Variants in SYN3 observed in about 807,000 individuals in gnomAD.
SYN3 encodes the protein synapsin-3.
A neutral mutation model predicts 65.8 loss-of-function variants in SYN3; 35 were observed. The observed-to-expected ratio is 0.53, with a 90% CI of 0.41 to 0.70. The LOEUF is 0.70. Among genes scored for constraint, SYN3 ranks in the 30% least tolerant of loss-of-function variants. The probability of loss-of-function intolerance (pLI) is 0.00; values close to 1 mark genes in which losing one functional copy is unlikely to be tolerated. For missense variants in SYN3, 680 were observed against 749.0 expected, an observed-to-expected ratio of 0.91 and a Z score of 1.08; for synonymous variants, 270 against 292.9, an observed-to-expected ratio of 0.92 and a Z score of 0.80.
At chr22:32,723,853 GA>G (rs2061153370) in intron 6 of SYN3, among the ~76,000 whole-genome samples, 1 of 152,248 alleles carries the variant, frequency 6.6e-6, no homozygotes, top group Admixed American at 6.5e-5. Flanking sequence ...AGGGATAGGG[GA>G]GCTGTAGGCC....
At chr22:33,041,050 G>A (rs1214949437) in intron 1 of SYN3, among the ~76,000 whole-genome samples, 1 of 151,694 alleles carries the variant, frequency 6.6e-6, no homozygotes, top group African/African-American at 2.4e-5. Context: ...GAGTAGCTGG[G>A]ATTACAGGCA....
Position 32,951,822 on chromosome 22 carries a change from G to A in SYN3, c.370-20341C>T, listed in dbSNP as rs547594885. On this transcript the variant is annotated intron_variant, in intron 3 of 13. Transcript: ENST00000358763. Reference sequence around the variant, plus strand: ...CGGACTCAGTTTGTGGCCTACAGTCGCCCTTGTCTTTCACCTTCCCGGTCT... The same window carrying A: ...CGGACTCAGTTTGTGGCCTACAGTCACCCTTGTCTTTCACCTTCCCGGTCT... Among the ~76,000 whole-genome samples the A allele has an allele frequency of 3.2e-3, 492 of 152,280 alleles. 1 individual carries two copies. Among genetic ancestry groups the A allele is most frequent in the African/African-American group, 0.011 (450 of 41,570 alleles).
At chr22:32,891,583 G>A (rs566334096) in intron 4 of SYN3, among the ~76,000 whole-genome samples, 1 of 152,292 alleles carries the variant, frequency 6.6e-6, no homozygotes, top group Admixed American at 6.5e-5. Context: ...CTTGCCATCC[G>A]ACTTCGGTTC....
At chr22:32,973,080 G>A (rs2052070407) in intron 3 of SYN3, among the ~76,000 whole-genome samples, 1 of 152,182 alleles carries the variant, frequency 6.6e-6, no homozygotes, top group South Asian at 2.1e-4. Flanking sequence ...AGTGACAATA[G>A]TGACAGTGAC....
chr22:32,720,373 A>C (rs918573569), intron 6 of SYN3, among the ~76,000 whole-genome samples: 1 of 152,170 alleles, frequency 6.6e-6, no homozygotes, highest in Non-Finnish European at 1.5e-5. Context: ...CCCTCATTAC[A>C]TGCCATGAGG....
At chr22:32,877,962 T>C (rs1278820539) in intron 4 of SYN3, among the ~76,000 whole-genome samples, 1 of 152,232 alleles carries the variant, frequency 6.6e-6, no homozygotes, top group East Asian at 1.9e-4. Flanking sequence ...ATTTTACTTA[T>C]GTTATCTTTA....
intron 6 of SYN3, among the ~76,000 whole-genome samples, chr22:32,854,793 T>C (rs2048319108): frequency 6.6e-6 from 1 of 152,082 alleles, no homozygotes; most frequent in African/African-American, 2.4e-5. Context: ...TTGGCAAGCC[T>C]TGGGGGAGAA....
chr22:32,993,674 T>G (rs1452329648), intron 2 of SYN3, among the ~76,000 whole-genome samples: 1 of 152,092 alleles, frequency 6.6e-6, no homozygotes. Context: ...TGCAAAGAAC[T>G]GTATCCAACA....
chr22:32,602,112 TACA>T (rs1443436996), intron 6 of SYN3, among the ~76,000 whole-genome samples: 3 of 152,236 alleles, frequency 2.0e-5, no homozygotes, highest in African/African-American at 7.2e-5. Context: ...CAGGATACTT[TACA>T]ACAATATTAG....
intron 6 of SYN3, among the ~76,000 whole-genome samples, chr22:32,807,371 T>TATATATAATATATATA (rs1491462982): frequency 0.013 from 1,419 of 111,032 alleles, 13 homozygotes; most frequent in Non-Finnish European, 0.018. Context: ...TAATATATAT[T>TATATATAATATATATA]ATATATAATA....
chr22:32,950,384 C>T (rs1323664128), intron 3 of SYN3, among the ~76,000 whole-genome samples: 1 of 152,088 alleles, frequency 6.6e-6, no homozygotes, highest in Non-Finnish European at 1.5e-5. Flanking sequence ...GGGGGTGATT[C>T]TGGCCTCCAC....
chr22:32,793,835 G>A (rs1253383487), intron 6 of SYN3, among the ~76,000 whole-genome samples: 1 of 152,208 alleles, frequency 6.6e-6, no homozygotes, highest in Non-Finnish European at 1.5e-5. Flanking sequence ...GCCATCTGTG[G>A]TAATAAATCA....
chr22:32,941,464 G>A (rs190136620), intron 3 of SYN3, among the ~76,000 whole-genome samples: 19 of 152,116 alleles, frequency 1.2e-4, no homozygotes, highest in South Asian at 1.0e-3. Flanking sequence ...TTTCTTTCCC[G>A]GGCCGGTTCC....
intron 6 of SYN3, among the ~76,000 whole-genome samples, chr22:32,847,101 G>C (rs544850199): frequency 9.9e-5 from 15 of 152,206 alleles, no homozygotes; most frequent in African/African-American, 3.6e-4. Context: ...GCCAAGACTC[G>C]CTCCCTTGTT....
chr22:32,913,534 C>T (rs1247019862), intron 4 of SYN3, among the ~76,000 whole-genome samples: 2 of 151,756 alleles, frequency 1.3e-5, no homozygotes, highest in Admixed American at 6.6e-5. Context: ...AGATTGGGGG[C>T]AGGCAGAGGA....
At chr22:32,762,474 T>G (rs1047387855) in intron 6 of SYN3, among the ~76,000 whole-genome samples, 9 of 152,342 alleles carry the variant, frequency 5.9e-5, no homozygotes, top group South Asian at 2.1e-4. Context: ...CACATCTGAA[T>G]TGGAAAAGGA....
At chr22:32,951,842 C>T (rs1029027387) in intron 3 of SYN3, among the ~76,000 whole-genome samples, 7 of 152,294 alleles carry the variant, frequency 4.6e-5, no homozygotes, top group East Asian at 1.9e-4. Context: ...TTCACCTTCC[C>T]GGTCTTGTGC....
intron 6 of SYN3, among the ~76,000 whole-genome samples, chr22:32,700,299 A>T (rs1435026212): frequency 6.6e-6 from 1 of 152,152 alleles, no homozygotes; most frequent in Non-Finnish European, 1.5e-5. Flanking sequence ...CAAGTAGCCC[A>T]AGCCTTGGAC....
intron 6 of SYN3, among the ~76,000 whole-genome samples, chr22:32,807,369 ATTATATAT>A (rs1485333485): frequency 6.1e-5 from 7 of 115,572 alleles, no homozygotes; most frequent in African/African-American, 2.6e-4. Context: ...TATAATATAT[ATTATATAT>A]AATATATATT....
Sources: gnomAD v4.1 joint callset for allele counts (sites outside exome capture counted in the v4.1 genomes callset) on GRCh38, gnomAD v4.1.1 for gene constraint, MANE v1.5 for transcripts, NCBI Gene and HGNC (gene_info 2026-07-23, HGNC 2026-07-21) for gene names.